FBXO34: variants seen among roughly 807,000 people sequenced by gnomAD.
FBXO34 encodes F-box only protein 34.
Under a neutral mutation model 24.5 loss-of-function variants are expected in FBXO34, and 12 were observed. The ratio of observed to expected loss-of-function variants is 0.49; its 90% CI spans 0.31 to 0.79. The LOEUF (loss-of-function observed/expected upper bound fraction) is 0.79. Ranked by LOEUF, FBXO34 falls within the 30% of genes least tolerant of loss-of-function variation. FBXO34 has a pLI of 0.04. For missense variants in FBXO34, 823 were observed against 857.7 expected, an observed-to-expected ratio of 0.96 and a Z score of 0.51; for synonymous variants, 320 against 311.9, an observed-to-expected ratio of 1.03 and a Z score of -0.27.
the FBXO34 span, chr14:55,436,877 C>T: frequency 6.2e-7 from 1 of 1,614,198 alleles, no homozygotes. Context: ...AAGCTAAGAT[C>T]CACAGATGAG....
At chr14:55,358,390 T>G (rs1455625325), downstream of FBXO34, among the ~76,000 whole-genome samples, 1 of 141,460 alleles carries the variant, frequency 7.1e-6, no homozygotes, top group Admixed American at 7.0e-5. Flanking sequence ...CTTCCCAGTA[T>G]TTGCAGGGCC....
chr14:55,377,550 A>AAGG, the FBXO34 span, among the ~76,000 whole-genome samples: 1 of 152,094 alleles, frequency 6.6e-6, no homozygotes, highest in African/African-American at 2.4e-5. Flanking sequence ...AAAGCACAAA[A>AAGG]AGGCACTACT....
the FBXO34 span, among the ~76,000 whole-genome samples, chr14:55,402,970 A>G: frequency 1.2e-4 from 8 of 69,486 alleles, no homozygotes; most frequent in East Asian, 1.7e-3. Flanking sequence ...TATATATATA[A>G]ATAGCTGGGC....
chr14:55,427,879 G>A, the FBXO34 span, among the ~76,000 whole-genome samples: 2 of 145,926 alleles, frequency 1.4e-5, no homozygotes, highest in East Asian at 4.0e-4. Context: ...AGTTAGGATT[G>A]CTTTTTTTTT....
intron 1 of FBXO34, among the ~76,000 whole-genome samples, chr14:55,283,034 C>G (rs536239126): frequency 6.6e-6 from 1 of 152,292 alleles, no homozygotes; most frequent in South Asian, 2.1e-4. Context: ...TTTACAAACC[C>G]TAGTCACTTT....
intron 1 of FBXO34, chr14:55,339,525 A>G (rs1883920195): frequency 6.6e-6 from 1 of 152,182 alleles, no homozygotes; most frequent in Non-Finnish European, 1.5e-5. Flanking sequence ...TTCTTGCAGA[A>G]TAATACACAA....
At chr14:55,413,743 C>T in the FBXO34 span, 5 of 311,776 alleles carry the variant, frequency 1.6e-5, no homozygotes, top group East Asian at 4.1e-4. Flanking sequence ...AGTGCCAAGG[C>T]CCAGGCAGAT....
chr14:55,372,928 G>T (rs1884850781), downstream of FBXO34, among the ~76,000 whole-genome samples: 2 of 152,170 alleles, frequency 1.3e-5, no homozygotes, highest in African/African-American at 4.8e-5. Context: ...GCGACTGAAT[G>T]GAAGACTCCT....
At chr14:55,309,941 A>G (rs1001968330) in intron 1 of FBXO34, among the ~76,000 whole-genome samples, 28 of 152,198 alleles carry the variant, frequency 1.8e-4, no homozygotes, top group Admixed American at 1.7e-3. Context: ...CTTATCAGTC[A>G]GTATTAGGAG....
intron 1 of FBXO34, among the ~76,000 whole-genome samples, chr14:55,317,248 A>G (rs1429083504): frequency 6.6e-6 from 1 of 152,196 alleles, no homozygotes; most frequent in Non-Finnish European, 1.5e-5. Context: ...TTTGCAAGCC[A>G]GTTGCTAAAT....
chr14:55,302,867 C>G (rs957528920), intron 1 of FBXO34, among the ~76,000 whole-genome samples: 3 of 152,098 alleles, frequency 2.0e-5, no homozygotes, highest in Admixed American at 2.0e-4. Context: ...GCAAATGCGG[C>G]AAAGAATTAG....
chr14:55,373,429 G>A (rs76563200), downstream of FBXO34, among the ~76,000 whole-genome samples: 2,218 of 152,160 alleles, frequency 0.015, 48 homozygotes, highest in African/African-American at 0.051. Context: ...GTCAATCTGG[G>A]TAAGGGTGTA....
chr14:55,369,353 C>T (rs570600886), downstream of FBXO34: 113 of 280,474 alleles, frequency 4.0e-4, no homozygotes, highest in African/African-American at 2.1e-3. Flanking sequence ...ACTGGCCACA[C>T]GCACAGGTCC....
At chr14:55,384,224 G>A in the FBXO34 span, among the ~76,000 whole-genome samples, 1 of 152,204 alleles carries the variant, frequency 6.6e-6, no homozygotes, top group Admixed American at 6.5e-5. Context: ...AAACAGCACA[G>A]AAATAGTTTT....
the FBXO34 span, among the ~76,000 whole-genome samples, chr14:55,392,463 C>T: frequency 3.3e-5 from 5 of 152,072 alleles, no homozygotes; most frequent in African/African-American, 1.2e-4. Flanking sequence ...GCCTGGGCAA[C>T]ATGGCGAAAC....
exon 3 of FBXO34, chr14:55,367,811 C>T (rs1160488293): frequency 6.6e-6 from 1 of 151,894 alleles, no homozygotes; most frequent in Non-Finnish European, 1.5e-5. Flanking sequence ...ATTCATAGAG[C>T]CAAGGAATTT....
the FBXO34 span, chr14:55,411,898 T>C: frequency 7.5e-7 from 1 of 1,340,148 alleles, no homozygotes; most frequent in Non-Finnish European, 1.0e-6. Context: ...AGGAGGGGCC[T>C]GGGGAAGGGG....
the FBXO34 span, among the ~76,000 whole-genome samples, chr14:55,388,456 G>A: frequency 3.3e-5 from 5 of 152,134 alleles, no homozygotes; most frequent in Non-Finnish European, 5.9e-5. Context: ...AAAATGTTTG[G>A]TGCTGTATCT....
chr14:55,271,966 C>T (rs1301172182), intron 1 of FBXO34: 2 of 152,290 alleles, frequency 1.3e-5, no homozygotes, highest in Non-Finnish European at 1.5e-5. Flanking sequence ...CCACTCTGCC[C>T]TTCCCTGCCC....
Sources: allele counts gnomAD v4.1 joint callset (sites outside exome capture counted in the v4.1 genomes callset), GRCh38; gene constraint gnomAD v4.1.1; transcripts MANE v1.5; gene names NCBI Gene and HGNC (gene_info 2026-07-23, HGNC 2026-07-21).